The following TRPS1 variants were observed in gnomAD, a reference collection of about 807,000 sequenced individuals.
The protein encoded by TRPS1 is zinc finger transcription factor Trps1.
Under a neutral mutation model 101.2 loss-of-function variants are expected in TRPS1, and 6 were observed. The observed-to-expected ratio is 0.06, with a 90% CI of 0.03 to 0.12. The LOEUF is 0.12. TRPS1 is among the 10% of genes least tolerant of loss of function. The probability of loss-of-function intolerance (pLI) is 1.00; values close to 1 mark genes in which losing one functional copy is unlikely to be tolerated. For missense variants in TRPS1, 1,363 were observed against 1,567.0 expected (o/e 0.87, Z 2.20); for synonymous variants, 578 against 589.8 (o/e 0.98, Z 0.29).
chr8:115,411,621 G>C lies in TRPS1; in HGVS notation c.*2402C>G, dbSNP rs1812791812. Reference sequence around the variant, plus strand: ...GAGATGCATCCATCAAAATTCCTAAGGAAGATAAATTACATCACATAATTT... The same window carrying C: ...GAGATGCATCCATCAAAATTCCTAACGAAGATAAATTACATCACATAATTT... On this transcript the variant is annotated 3_prime_UTR_variant, in exon 7 of 7. Transcript: ENST00000395715. 6.6e-6 allele frequency: 1 copy of C among 152,328 alleles called. No individual in the cohort carries two copies. The highest frequency in any genetic ancestry group is 6.6e-5 in the Admixed American group (1 of 15,220). 9.4% of individuals were successfully genotyped at this position (152,328 alleles called of 1,614,324 possible).
intron 5 of TRPS1, among the ~76,000 whole-genome samples, chr8:115,455,755 T>TTTTCTTTCTTTCTTTC (rs35585069): frequency 7.2e-6 from 1 of 139,262 alleles, no homozygotes; most frequent in Non-Finnish European, 1.5e-5. Context: ...GCTTTTTTCT[T>TTTTCTTTCTTTCTTTC]TTTCTTTCTT....
chr8:115,534,924 T>C (rs1315222019), intron 5 of TRPS1, among the ~76,000 whole-genome samples: 2 of 151,602 alleles, frequency 1.3e-5, no homozygotes, highest in African/African-American at 4.8e-5. Flanking sequence ...AAATGAATGC[T>C]TTAGGTTGGA....
intron 5 of TRPS1, among the ~76,000 whole-genome samples, chr8:115,528,630 G>C (rs1166163740): frequency 1.3e-5 from 2 of 151,928 alleles, no homozygotes; most frequent in African/African-American, 4.8e-5. Context: ...AGAAATCCTA[G>C]GGTAATAAAT....
At position 115,459,166 on chromosome 8, in the gene TRPS1, T is replaced by C. The variant is rs1328043782; in HGVS notation, c.2701-40714A>G. 3.3e-5 allele frequency among the ~76,000 whole-genome samples: 5 copies of C among 152,108 alleles called. 1 individual carries two copies. The East Asian group carries it at 7.7e-4, about 24-fold the overall frequency. On this transcript the variant is annotated intron_variant, in intron 5 of 6. Coordinates refer to ENST00000395715, the MANE Select transcript of TRPS1 (RefSeq NM_014112.5). ...TCCTGGCTAACACGGTGAAACCCCGTCTCTACTAAAAATACAAAAAAATTA... is the reference window on the plus strand; with the variant it reads ...TCCTGGCTAACACGGTGAAACCCCGCCTCTACTAAAAATACAAAAAAATTA...
At chr8:115,460,942 T>C (rs1040423009) in intron 5 of TRPS1, among the ~76,000 whole-genome samples, 2 of 152,184 alleles carry the variant, frequency 1.3e-5, no homozygotes, top group Admixed American at 1.3e-4. Context: ...AATTAAAATA[T>C]GGCCAAGTAA....
intron 5 of TRPS1, among the ~76,000 whole-genome samples, chr8:115,481,762 T>C (rs963423324): frequency 6.6e-6 from 1 of 152,130 alleles, no homozygotes; most frequent in Non-Finnish European, 1.5e-5. Flanking sequence ...CATCTGTTTT[T>C]CCCCCCTCTG....
At chr8:115,460,792 C>A (rs1430573301) in intron 5 of TRPS1, among the ~76,000 whole-genome samples, 1 of 152,176 alleles carries the variant, frequency 6.6e-6, no homozygotes, top group Non-Finnish European at 1.5e-5. Flanking sequence ...ACCTTTGTAG[C>A]ATGCATTCAT....
chr8:115,612,407 T>C (rs1468474367), intron 3 of TRPS1, among the ~76,000 whole-genome samples: 1 of 152,076 alleles, frequency 6.6e-6, no homozygotes, highest in Non-Finnish European at 1.5e-5. Context: ...AAGGGAACAA[T>C]GGGACACACT....
At chr8:115,643,929 T>C (rs1818957343) in intron 1 of TRPS1, among the ~76,000 whole-genome samples, 1 of 152,222 alleles carries the variant, frequency 6.6e-6, no homozygotes, top group African/African-American at 2.4e-5. Context: ...CATCTCTTTG[T>C]ACATCTCCAT....
Position 115,408,800 on chromosome 8 carries a change from A to T in TRPS1, c.*5223T>A, listed in dbSNP as rs899161357. 6.6e-6 allele frequency: 1 copy of T among 152,380 alleles called. No individual in the cohort carries two copies. Among genetic ancestry groups the T allele is most frequent in the East Asian group, 1.9e-4 (1 of 5,130 alleles). The allele number at this position is 152,380 out of a possible 1,614,324, so 9.4% of individuals were successfully genotyped here. A position where few individuals can be genotyped will look rare whatever the true frequency, so the allele number is the denominator to read the frequency against. On this transcript the variant is annotated 3_prime_UTR_variant, in exon 7 of 7. Transcript: ENST00000395715. The stretch of plus-strand genomic sequence containing the variant: ...AATATTGCTGTAAGTTAAATTTTAC[A>T]TTGGCATTTTGAGATGTTCCCCCCT...
rs1812868765 is a variant in TRPS1, at chr8:115,414,610, T to C, written c.3298A>G (p.Ile1100Val). 2.5e-6 allele frequency: 4 copies of C among 1,613,988 alleles called. No homozygotes were observed. Among genetic ancestry groups the C allele is most frequent in the Non-Finnish European group, 3.4e-6 (4 of 1,179,940 alleles). The change falls in exon 7 of 7, where the codon ATT becomes GTT. Residue 1100 changes from isoleucine (I) to valine (V), a missense_variant. Ile to Val is a conservative substitution (Grantham distance 29). Around this residue, in one of 5 missense-constraint regions of TRPS1, gnomAD observed 307 missense variants for 392.4 expected, o/e 0.78. Transcript: ENST00000395715. This position sits in a 1 kb window ranked among gnomAD's most constrained non-coding sequence, Gnocchi z 4.8. ...HPNYSPPGSP[I>V]EKYQYPLFGL... Reference sequence around the variant, plus strand: ...AAAAGTGGGTACTGGTACTTTTCAATAGGGCTGCCTGGTGGTGAATAATTT... The same window carrying C: ...AAAAGTGGGTACTGGTACTTTTCAACAGGGCTGCCTGGTGGTGAATAATTT...
chr8:115,495,687 TTA>T (rs1491348461), intron 5 of TRPS1, among the ~76,000 whole-genome samples: 1 of 123,958 alleles, frequency 8.1e-6, no homozygotes, highest in Non-Finnish European at 1.9e-5. Context: ...CTATCATCTG[TTA>T]AAAAAAAAAA....
chr8:115,604,958 T>C lies in TRPS1; in HGVS notation c.1011A>G (p.Pro337=). ...AATACTTGGTGTTCCCTTGGCAATC[T>C]GGTGTTTTCCGTCCAATGCCAATGA... is the stretch of plus-strand genomic sequence containing the variant. ...GTFIGIGRKT[P]DCQGNTKYFR... is the part of the protein sequence containing the mutation. Residue 337 remains proline, a synonymous_variant, in exon 4 of 7, where the codon CCA becomes CCG. Transcript: ENST00000395715. This position sits in a 1 kb window ranked among gnomAD's most constrained non-coding sequence, Gnocchi z 4.1. 1 of 1,614,020 alleles carries C rather than the reference T, an allele frequency of 6.2e-7. No homozygotes were observed. The highest frequency in any genetic ancestry group is 8.5e-7 in the Non-Finnish European group (1 of 1,179,954).
chr8:115,615,827 T>G (rs1262829818), intron 3 of TRPS1, among the ~76,000 whole-genome samples: 1 of 152,102 alleles, frequency 6.6e-6, no homozygotes, highest in African/African-American at 2.4e-5. Context: ...CTCGATCTCT[T>G]GTATTATTGG....
intron 1 of TRPS1, among the ~76,000 whole-genome samples, chr8:115,628,818 C>A (rs1193392155): frequency 6.6e-6 from 1 of 151,754 alleles, no homozygotes; most frequent in Non-Finnish European, 1.5e-5. Flanking sequence ...TCTCTAGACT[C>A]TTCCCATAAT....
At chr8:115,441,744 T>G (rs2129881429) in intron 5 of TRPS1, among the ~76,000 whole-genome samples, 1 of 152,320 alleles carries the variant, frequency 6.6e-6, no homozygotes, top group East Asian at 1.9e-4. Context: ...AAACTTAAAC[T>G]ATTTATTTTA....
chr8:115,505,638 T>C (rs1472327276), intron 5 of TRPS1, among the ~76,000 whole-genome samples: 2 of 152,092 alleles, frequency 1.3e-5, no homozygotes, highest in Non-Finnish European at 2.9e-5. Flanking sequence ...CCTTTTAATT[T>C]TTACAAATAA....
chr8:115,417,074 T>C (rs1812939937), intron 6 of TRPS1, among the ~76,000 whole-genome samples: 1 of 152,190 alleles, frequency 6.6e-6, no homozygotes, highest in Non-Finnish European at 1.5e-5. Context: ...AAATAATTTT[T>C]AGAAAATAGT....
chr8:115,633,817 T>C (rs965185544), intron 1 of TRPS1, among the ~76,000 whole-genome samples: 3 of 152,214 alleles, frequency 2.0e-5, no homozygotes, highest in Admixed American at 6.6e-5. Context: ...TGTAAATCTA[T>C]GTAATATCAG....
Sources: gnomAD v4.1 joint callset for allele counts (sites outside exome capture counted in the v4.1 genomes callset) on GRCh38, gnomAD v4.1.1 for gene constraint, gnomAD v4.1.1 regional missense constraint, Gnocchi (gnomAD v3.1) non-coding constraint, MANE v1.5 for transcripts, NCBI Gene and HGNC (gene_info 2026-07-23, HGNC 2026-07-21) for gene names.